The following STK31 variants were observed in gnomAD, a reference collection of about 807,000 sequenced individuals.
The protein encoded by STK31 is serine/threonine-protein kinase 31.
STK31 carries 89 observed loss-of-function variants against 129.7 expected under a neutral mutation model. That is an observed-to-expected ratio of 0.69 (90% CI 0.58 to 0.82). STK31 has a LOEUF of 0.82. Among genes scored for constraint, STK31 ranks in the 40% least tolerant of loss-of-function variants. The probability of loss-of-function intolerance (pLI) is 0.00; values close to 1 mark genes in which losing one functional copy is unlikely to be tolerated. For synonymous variants in STK31, 448 were observed against 395.3 expected (o/e 1.13, Z -1.58); for missense variants, 1,187 against 1,176.4 (o/e 1.01, Z -0.13).
chr7:23,812,765 G>A (rs1043679860), intron 22 of STK31, among the ~76,000 whole-genome samples: 14 of 151,970 alleles, frequency 9.2e-5, no homozygotes, highest in Non-Finnish European at 1.6e-4. Context: ...AGAAAATGCA[G>A]TATTGGGCTT....
At chr7:23,792,072 AAAAC>A (rs1188834520) in intron 22 of STK31, among the ~76,000 whole-genome samples, 1 of 152,224 alleles carries the variant, frequency 6.6e-6, no homozygotes, top group Non-Finnish European at 1.5e-5. Flanking sequence ...CAGCTGTACA[AAAAC>A]AAGTAGTGGA....
chr7:23,803,156 G>A (rs551268707), intron 22 of STK31, among the ~76,000 whole-genome samples: 1 of 152,060 alleles, frequency 6.6e-6, no homozygotes, highest in Non-Finnish European at 1.5e-5. Flanking sequence ...AGTTTGGTAC[G>A]AAAGGCTGTG....
chr7:23,720,635 A>G (rs1443061868), intron 4 of STK31, among the ~76,000 whole-genome samples: 1 of 152,234 alleles, frequency 6.6e-6, no homozygotes, highest in East Asian at 1.9e-4. Context: ...TTAAGTGTAT[A>G]CTTTCTATTT....
chr7:23,761,795 T>C (rs1041974443), intron 10 of STK31, among the ~76,000 whole-genome samples: 5 of 150,580 alleles, frequency 3.3e-5, no homozygotes, highest in Admixed American at 2.6e-4. Context: ...TGGTTGAGCT[T>C]ATGCAAGAAA....
At chr7:23,720,508 A>C (rs1216949185) in intron 4 of STK31, among the ~76,000 whole-genome samples, 1 of 152,162 alleles carries the variant, frequency 6.6e-6, no homozygotes, top group Non-Finnish European at 1.5e-5. Flanking sequence ...TGCTTTATAT[A>C]GTGAACTACA....
chr7:23,809,163 T>G (rs1258765272), intron 22 of STK31, among the ~76,000 whole-genome samples: 4 of 149,562 alleles, frequency 2.7e-5, no homozygotes, highest in African/African-American at 1.0e-4. Context: ...TTGTTTGTTT[T>G]TTTTAAGAGG....
intron 23 of STK31, among the ~76,000 whole-genome samples, chr7:23,831,195 C>T (rs1794522057): frequency 6.6e-6 from 1 of 152,100 alleles, no homozygotes; most frequent in African/African-American, 2.4e-5. Context: ...TTAATTTTCT[C>T]TCTAGATTAT....
chr7:23,714,241 T>A (rs1163025578), intron 3 of STK31, among the ~76,000 whole-genome samples: 1 of 152,226 alleles, frequency 6.6e-6, no homozygotes, highest in Non-Finnish European at 1.5e-5. Flanking sequence ...GGCAAATTTG[T>A]TTCTGCTTAT....
intron 21 of STK31, 115 bp from the exon 22 acceptor site, chr7:23,790,709 G>C: frequency 4.8e-6 from 5 of 1,034,662 alleles, no homozygotes; most frequent in Non-Finnish European, 6.6e-6. Flanking sequence ...TTGAAAGCAA[G>C]GGAATGAAAT....
At chr7:23,730,878 A>ATATATATATAT in intron 6 of STK31, among the ~76,000 whole-genome samples, 13 of 59,542 alleles carry the variant, frequency 2.2e-4, no homozygotes, top group African/African-American at 4.6e-4. Context: ...ATATATATAT[A>ATATATATATAT]TTTTTTTTTT....
At position 23,711,978 on chromosome 7, in the gene STK31, G is replaced by A. The variant is rs1318702084; in HGVS notation, c.51-121G>A. The A allele has an allele frequency of 6.2e-6, 5 of 807,500 alleles. 1 individual carries two copies. The highest frequency in any genetic ancestry group is 9.6e-6 in the Non-Finnish European group (5 of 523,480). The allele number at this position is 807,500 out of a possible 1,614,324, so 50.0% of individuals were successfully genotyped here. ...ATATTGAGCTCATTTTTAATATAGA[G>A]TTTGAATTTTGATAACTGCATTTAG... is the stretch of plus-strand genomic sequence containing the variant. On this transcript the variant is annotated intron_variant, in intron 1 of 23. Coordinates refer to ENST00000355870, the MANE Select transcript of STK31 (RefSeq NM_031414.5).
At chr7:23,795,563 C>A (rs1403274504) in intron 22 of STK31, among the ~76,000 whole-genome samples, 2 of 152,194 alleles carry the variant, frequency 1.3e-5, no homozygotes, top group African/African-American at 4.8e-5. Flanking sequence ...CCACAGTCCT[C>A]CAGACCCCAG....
chr7:23,823,884 G>A (rs1793942293), intron 23 of STK31, among the ~76,000 whole-genome samples: 1 of 152,078 alleles, frequency 6.6e-6, no homozygotes, highest in Admixed American at 6.6e-5. Flanking sequence ...TTTTTGTCAG[G>A]TTTGTCAAAG....
intron 6 of STK31, 103 bp from the exon 7 acceptor site, chr7:23,735,435 A>G: frequency 9.6e-7 from 1 of 1,038,552 alleles, no homozygotes. Flanking sequence ...TAATATAGAG[A>G]TTTTAGAATG....
At chr7:23,786,426 AATTATGTTTAAATT>A in intron 18 of STK31, 68 bp from the exon 19 acceptor site, 1 of 1,300,988 alleles carries the variant, frequency 7.7e-7, no homozygotes, top group South Asian at 2.1e-5. Context: ...TAAAATAATG[AATTATGTTTAAATT>A]GGAATGATGT....
At chr7:23,743,986 C>G (rs1034351167) in intron 8 of STK31, among the ~76,000 whole-genome samples, 2 of 151,984 alleles carry the variant, frequency 1.3e-5, no homozygotes, top group African/African-American at 4.8e-5. Flanking sequence ...GTGGCACAAT[C>G]ACAGCTCACT....
intron 8 of STK31, among the ~76,000 whole-genome samples, chr7:23,744,620 T>A (rs567164288): frequency 6.7e-4 from 102 of 152,362 alleles, no homozygotes; most frequent in African/African-American, 2.3e-3. Flanking sequence ...TTCCTGAAGA[T>A]GTACCCATGG....
At chr7:23,722,174 G>A (rs530973924) in intron 4 of STK31, 1 of 153,042 alleles carries the variant, frequency 6.5e-6, no homozygotes, top group Non-Finnish European at 1.5e-5. Context: ...AGAATTTTCG[G>A]CTTTTCTGCT....
intron 22 of STK31, among the ~76,000 whole-genome samples, chr7:23,796,201 C>T (rs903012631): frequency 2.6e-5 from 4 of 152,188 alleles, no homozygotes; most frequent in Non-Finnish European, 4.4e-5. Flanking sequence ...TTCCCCCATA[C>T]TGTTCTCATG....
Sources: allele counts gnomAD v4.1 joint callset (sites outside exome capture counted in the v4.1 genomes callset), GRCh38; gene constraint gnomAD v4.1.1; transcripts MANE v1.5; gene names NCBI Gene and HGNC (gene_info 2026-07-23, HGNC 2026-07-21).